FHAD1: variants seen among roughly 807,000 people sequenced by gnomAD.
FHAD1 encodes forkhead-associated domain-containing protein 1.
Under a neutral mutation model 191.3 loss-of-function variants are expected in FHAD1, and 146 were observed. The observed-to-expected ratio is 0.76, with a 90% CI of 0.67 to 0.88. FHAD1 has a LOEUF of 0.88. Among genes scored for constraint, FHAD1 ranks in the 40% least tolerant of loss-of-function variants. FHAD1 has a pLI of 0.00. For missense variants in FHAD1, 1,635 were observed against 1,785.8 expected (o/e 0.92, Z 1.52); for synonymous variants, 616 against 672.3 (o/e 0.92, Z 1.29).
rs77390559 is a variant in FHAD1, at chr1:15,362,233, C to G, written c.2963-409C>G. 6.0e-3 allele frequency among the ~76,000 whole-genome samples: 912 copies of G among 152,266 alleles called. 2 individuals are homozygous for G. The highest frequency in any genetic ancestry group is 0.017 in the Middle Eastern group (5 of 294). Reference sequence around the variant, plus strand: ...CATGTGACTGAGTAGTGAGACAGGACGCTAGAGGCGGTGCACTGAGGTGTA... The same window carrying G: ...CATGTGACTGAGTAGTGAGACAGGAGGCTAGAGGCGGTGCACTGAGGTGTA... On this transcript the variant is annotated intron_variant, in intron 22 of 33. Coordinates refer to ENST00000688493, the MANE Select transcript of FHAD1 (RefSeq NM_001391957.1).
chr1:15,375,270 C>T (rs1039110236), intron 27 of FHAD1, among the ~76,000 whole-genome samples: 2 of 152,146 alleles, frequency 1.3e-5, no homozygotes, highest in African/African-American at 4.8e-5. Flanking sequence ...GTAGAACTCC[C>T]CTAAGACTTG....
chr1:15,380,815 C>A lies in FHAD1; in HGVS notation c.3801+19C>A. Reference sequence around the variant, plus strand: ...AAAGCTGGTATGTACATCCAGCATCCACCCTGCTCCTATCCAAAGCCTGGG... The same window carrying A: ...AAAGCTGGTATGTACATCCAGCATCAACCCTGCTCCTATCCAAAGCCTGGG... On this transcript the variant is annotated intron_variant, in intron 29 of 33. Coordinates refer to ENST00000688493, the MANE Select transcript of FHAD1 (RefSeq NM_001391957.1). 1.9e-6 allele frequency: 3 copies of A among 1,542,146 alleles called. No individual in the cohort carries two copies. Among genetic ancestry groups the A allele is most frequent in the South Asian group, 1.2e-5 (1 of 83,814 alleles).
rs535072251 is a variant in FHAD1, at chr1:15,358,616, G to A, written c.2736+333G>A. Among the ~76,000 whole-genome samples the A allele has an allele frequency of 3.9e-5, 6 of 152,318 alleles. No homozygotes were observed. The South Asian group carries it at 1.0e-3, about 26-fold the overall frequency. On this transcript the variant is annotated intron_variant, in intron 21 of 33. Coordinates refer to ENST00000688493, the MANE Select transcript of FHAD1 (RefSeq NM_001391957.1). Reference sequence around the variant, plus strand: ...CAGAGCTAGGATGCCCTCTCTGCACGGTGTTCTGAGATGTTGTAATGCAGG... The same window carrying A: ...CAGAGCTAGGATGCCCTCTCTGCACAGTGTTCTGAGATGTTGTAATGCAGG...
At chr1:15,270,011 A>C (rs1334756527) in intron 2 of FHAD1, among the ~76,000 whole-genome samples, 1 of 150,578 alleles carries the variant, frequency 6.6e-6, no homozygotes, top group African/African-American at 2.4e-5. Context: ...ACTGGGTTCA[A>C]GTGATTCTCC....
intron 2 of FHAD1, among the ~76,000 whole-genome samples, chr1:15,261,725 C>T (rs753642283): frequency 1.3e-5 from 2 of 152,222 alleles, no homozygotes; most frequent in Non-Finnish European, 2.9e-5. Context: ...TGGCCATTTC[C>T]TCATATCCCT....
At position 15,281,163 on chromosome 1, in the gene FHAD1, C is replaced by A. The variant is rs1288885426; in HGVS notation, c.301-8236C>A. Among the ~76,000 whole-genome samples, 4 of 152,228 alleles carry A rather than the reference C, an allele frequency of 2.6e-5. No individual in the cohort carries two copies. The South Asian group carries it at 6.2e-4, about 24-fold the overall frequency. On this transcript the variant is annotated intron_variant, in intron 3 of 33. Transcript: ENST00000688493. The stretch of plus-strand genomic sequence containing the variant: ...GATGGAGAAGGCTGTCTTCCTGGGC[C>A]GCACATAGCACCCTCTGCTGCCCTG...
intron 4 of FHAD1, among the ~76,000 whole-genome samples, chr1:15,294,401 G>A (rs1194163486): frequency 6.6e-6 from 1 of 152,116 alleles, no homozygotes; most frequent in Non-Finnish European, 1.5e-5. Flanking sequence ...GCTGTCCCGT[G>A]CATTGTTTTT....
chr1:15,275,251 C>T (rs146899130), intron 3 of FHAD1, among the ~76,000 whole-genome samples: 120 of 152,188 alleles, frequency 7.9e-4, no homozygotes, highest in African/African-American at 2.7e-3. Flanking sequence ...CGTGAGCCAC[C>T]GCGCCTGGCC....
At chr1:15,268,293 A>G (rs947556723) in intron 2 of FHAD1, among the ~76,000 whole-genome samples, 5 of 151,666 alleles carry the variant, frequency 3.3e-5, no homozygotes, top group Non-Finnish European at 2.9e-5. Context: ...ATGATTTCCA[A>G]TTTCATCCAT....
rs1672498754 is a variant in FHAD1 at position 15,312,261 on chromosome 1, C to T, written c.1040-796C>T. ...GGGGGCCATTTTGCAAGCTGGCTAC[C>T]ACATATACTTGTGGGTGGCAGGGAA... is the stretch of plus-strand genomic sequence containing the variant. On this transcript the variant is annotated intron_variant, in intron 7 of 33. Transcript: ENST00000688493. The surrounding 1 kb of genome is among the most constrained non-coding windows in gnomAD (Gnocchi z 4.7). 1 of 152,220 alleles carries T rather than the reference C, an allele frequency of 6.6e-6. No individual in the cohort carries two copies. The highest frequency in any genetic ancestry group is 2.4e-5 in the African/African-American group (1 of 41,444). The allele number at this position is 152,220 out of a possible 1,614,324, so 9.4% of individuals were successfully genotyped here. A position where few individuals can be genotyped will look rare whatever the true frequency, so the allele number is the denominator to read the frequency against.
chr1:15,382,045 T>A lies in FHAD1; in HGVS notation c.4040T>A (p.Ile1347Asn). The stretch of plus-strand genomic sequence containing the variant: ...GCACCCAGGCGGAGCAAAGTGTCCA[T>A]TGAGATGTACCAGTCGCAGGTGGCA... ...VEQLRRSKVSIEMYQSQVAKL... is the reference protein window; with the variant it reads ...VEQLRRSKVSNEMYQSQVAKL... The change falls in exon 31 of 34, where the codon ATT (isoleucine) becomes AAT (asparagine). Residue 1347 changes from isoleucine (I) to asparagine (N), a missense_variant. Coordinates refer to ENST00000688493, the MANE Select transcript of FHAD1 (RefSeq NM_001391957.1). The A allele has an allele frequency of 6.4e-7, 1 of 1,551,980 alleles. No individual in the cohort carries two copies. The highest frequency in any genetic ancestry group is 1.7e-4 in the Middle Eastern group (1 of 5,998).
chr1:15,271,666 A>G (rs563955475), intron 2 of FHAD1, among the ~76,000 whole-genome samples: 2 of 152,382 alleles, frequency 1.3e-5, no homozygotes, highest in Admixed American at 6.5e-5. Context: ...AAAGGTAGTT[A>G]TAAAACTATG....
chr1:15,401,990 G>C (rs995350498), downstream of FHAD1, among the ~76,000 whole-genome samples: 2 of 152,174 alleles, frequency 1.3e-5, no homozygotes, highest in Admixed American at 1.3e-4. Flanking sequence ...CGTCCAGTTG[G>C]GGGAAGCATT....
intron 1 of FHAD1, among the ~76,000 whole-genome samples, chr1:15,238,032 C>T (rs1165222921): frequency 6.6e-6 from 1 of 151,822 alleles, no homozygotes; most frequent in South Asian, 2.1e-4. Context: ...GGGCAGATCA[C>T]GACGTCAGGA....
chr1:15,303,860 A>AAG (rs1553254947), intron 6 of FHAD1, among the ~76,000 whole-genome samples: 1 of 151,748 alleles, frequency 6.6e-6, no homozygotes, highest in African/African-American at 2.4e-5. Context: ...AAAAAAAAAA[A>AAG]AAAGAAAGAA....
Position 15,397,600 on chromosome 1 carries a change from T to C in FHAD1, c.*187T>C, listed in dbSNP as rs374344429. 29 of 395,662 alleles carry C rather than the reference T, an allele frequency of 7.3e-5. 1 individual carries two copies. The highest frequency in any genetic ancestry group is 4.5e-4 in the African/African-American group (22 of 49,348). The allele number at this position is 395,662 out of a possible 1,614,324, so 24.5% of individuals were successfully genotyped here. A position where few individuals can be genotyped will look rare whatever the true frequency, so the allele number is the denominator to read the frequency against. On this transcript the variant is annotated 3_prime_UTR_variant, in exon 34 of 34. Transcript: ENST00000688493. Reference sequence around the variant, plus strand: ...GAGACTGTGGGGAGAAGGGTTCTTCTTTAAAAATACCTATGAATGTACACG... The same window carrying C: ...GAGACTGTGGGGAGAAGGGTTCTTCCTTAAAAATACCTATGAATGTACACG...
intron 16 of FHAD1, chr1:15,343,748 T>C (rs1339346105): frequency 1.3e-5 from 2 of 152,242 alleles, no homozygotes; most frequent in Non-Finnish European, 2.9e-5. Context: ...CACCGTTCCA[T>C]AGAGAAGAAA....
chr1:15,243,725 C>T (rs1188357667), upstream of FHAD1, among the ~76,000 whole-genome samples: 2 of 152,244 alleles, frequency 1.3e-5, no homozygotes, highest in African/African-American at 2.4e-5. Flanking sequence ...TGGGCTTATG[C>T]CCCCTTCACT....
chr1:15,296,829 C>A, intron 5 of FHAD1, 36 bp downstream of exon 5: 1 of 1,509,158 alleles, frequency 6.6e-7, no homozygotes, highest in Non-Finnish European at 9.0e-7. Context: ...GGAGCTGCAG[C>A]AGCAAGCGCA....
Sources: allele counts gnomAD v4.1 joint callset (sites outside exome capture counted in the v4.1 genomes callset), GRCh38; gene constraint gnomAD v4.1.1; non-coding constraint Gnocchi (gnomAD v3.1); transcripts MANE v1.5; gene names NCBI Gene and HGNC (gene_info 2026-07-23, HGNC 2026-07-21).